PKNOX1: variants seen among roughly 807,000 people sequenced by gnomAD.
PKNOX1 encodes PBX/knotted 1 homeobox 1.
A neutral mutation model predicts 51.9 loss-of-function variants in PKNOX1; 15 were observed. The observed-to-expected ratio is 0.29, with a 90% CI of 0.19 to 0.45. The LOEUF is 0.45. PKNOX1 is among the 20% of genes least tolerant of loss of function. The pLI is 1.00. For missense variants in PKNOX1, 462 were observed against 547.5 expected (o/e 0.84, Z 1.56); for synonymous variants, 219 against 211.1 (o/e 1.04, Z -0.32).
intron 1 of PKNOX1, among the ~76,000 whole-genome samples, chr21:42,991,374 C>T (rs563812212): frequency 6.6e-6 from 1 of 151,562 alleles, no homozygotes; most frequent in East Asian, 1.9e-4. Flanking sequence ...AATAACCAAA[C>T]CACAAATTGA....
chr21:43,009,344 C>CT (rs768522927), intron 3 of PKNOX1, among the ~76,000 whole-genome samples: 165 of 152,208 alleles, frequency 1.1e-3, no homozygotes, highest in Middle Eastern at 6.8e-3. Flanking sequence ...ACTTGGGAGG[C>CT]TGAGGCAGGA....
intron 8 of PKNOX1, among the ~76,000 whole-genome samples, chr21:43,023,732 A>T (rs535785478): frequency 6.6e-6 from 1 of 151,794 alleles, no homozygotes; most frequent in Admixed American, 6.6e-5. Flanking sequence ...CTTCTGCCTC[A>T]GCCTCCCGAA....
intron 1 of PKNOX1, among the ~76,000 whole-genome samples, chr21:42,990,059 T>C (rs2059078038): frequency 1.3e-5 from 2 of 151,226 alleles, no homozygotes; most frequent in South Asian, 4.2e-4. Context: ...ATGGTGCCAT[T>C]GCACTCCAGC....
intron 3 of PKNOX1, among the ~76,000 whole-genome samples, chr21:43,009,610 C>CAAAAAA (rs1202062070): frequency 1.1e-4 from 8 of 76,090 alleles, no homozygotes; most frequent in East Asian, 4.0e-4. Flanking sequence ...GACTCCATCT[C>CAAAAAA]AAAAAAAAAA....
In PKNOX1 at chr21:42,977,340, C is replaced by T. The variant is rs560159208; in HGVS notation, c.-57+2676C>T. Among the ~76,000 whole-genome samples, 8 of 152,268 alleles carry T rather than the reference C, an allele frequency of 5.3e-5. No individual in the cohort carries two copies. The South Asian group carries it at 1.0e-3, about 20-fold the overall frequency. ...GGTATGAAAGTCCTAGATGTCATCT[C>T]CTTCCAAAGGAAGTCTTTTGTCTAT... On this transcript the variant is annotated intron_variant, in intron 1 of 10. Coordinates refer to ENST00000291547, the MANE Select transcript of PKNOX1 (RefSeq NM_004571.5).
In PKNOX1 at chr21:43,007,565, T is replaced by TC; in HGVS notation, c.131dup (p.Val45CysfsTer16). ...AACCCGATGCAGAAGGAGTGAGCCCTCCCCCTGTGGAGTCTCAGACCCCGA... is the reference window on the plus strand; with the variant it reads ...AACCCGATGCAGAAGGAGTGAGCCCTCCCCCCTGTGGAGTCTCAGACCCCGA... On this transcript the variant is annotated frameshift_variant, in exon 3 of 11. Transcript: ENST00000291547. LOFTEE classifies it high-confidence loss of function. 6.2e-7 allele frequency: 1 copy of TC among 1,613,558 alleles called. No individual in the cohort carries two copies. The highest frequency in any genetic ancestry group is 8.5e-7 in the Non-Finnish European group (1 of 1,179,566).
intron 1 of PKNOX1, among the ~76,000 whole-genome samples, chr21:42,982,969 C>T (rs964487684): frequency 8.6e-5 from 13 of 151,858 alleles, no homozygotes; most frequent in Non-Finnish European, 1.0e-4. Flanking sequence ...ACCACCACGC[C>T]TGGCTAATTT....
chr21:42,995,242 G>A (rs2146248110), intron 1 of PKNOX1, among the ~76,000 whole-genome samples: 1 of 152,182 alleles, frequency 6.6e-6, no homozygotes, highest in Non-Finnish European at 1.5e-5. Flanking sequence ...ATTTTTGCCA[G>A]TTTCTTTATA....
At chr21:42,990,104 A>T (rs1020224006) in intron 1 of PKNOX1, among the ~76,000 whole-genome samples, 7 of 151,804 alleles carry the variant, frequency 4.6e-5, no homozygotes, top group Admixed American at 2.0e-4. Flanking sequence ...CTCAAAAAAA[A>T]AAAAATAATA....
chr21:42,995,808 G>A (rs1978478330), intron 1 of PKNOX1, among the ~76,000 whole-genome samples: 1 of 152,200 alleles, frequency 6.6e-6, no homozygotes, highest in African/African-American at 2.4e-5. Context: ...TACTGTGGTG[G>A]TTGCCGAATG....
At chr21:43,022,125 C>T (rs770588389) in intron 8 of PKNOX1, among the ~76,000 whole-genome samples, 30 of 152,320 alleles carry the variant, frequency 2.0e-4, no homozygotes, top group South Asian at 6.2e-4. Flanking sequence ...GGAAGGCAGA[C>T]GCCAGTTTGG....
chr21:43,013,855 C>T (rs964466800), intron 5 of PKNOX1, among the ~76,000 whole-genome samples: 1 of 152,110 alleles, frequency 6.6e-6, no homozygotes. Context: ...AGGGTTCATC[C>T]ATGCGGAAGC....
At chr21:42,988,202 C>A (rs937800289) in intron 1 of PKNOX1, among the ~76,000 whole-genome samples, 2 of 152,040 alleles carry the variant, frequency 1.3e-5, no homozygotes, top group African/African-American at 2.4e-5. Flanking sequence ...AGGCGCGTGC[C>A]ACCACACCCA....
At chr21:43,029,253 C>T (rs1601306965) in intron 10 of PKNOX1, among the ~76,000 whole-genome samples, 1 of 152,176 alleles carries the variant, frequency 6.6e-6, no homozygotes, top group East Asian at 1.9e-4. Flanking sequence ...CTCTTCATCC[C>T]CCATGCCCTT....
chr21:43,017,936 G>A (rs1265875682), intron 6 of PKNOX1, 197 bp from the exon 7 acceptor site: 11 of 520,452 alleles, frequency 2.1e-5, no homozygotes, highest in South Asian at 7.9e-5. Context: ...AGGGCTGGTC[G>A]CAGTGCCTCA....
At chr21:42,987,516 G>C (rs1228471375) in intron 1 of PKNOX1, among the ~76,000 whole-genome samples, 1 of 148,756 alleles carries the variant, frequency 6.7e-6, no homozygotes, top group African/African-American at 2.5e-5. Flanking sequence ...ACTTGTCTTT[G>C]AACAGCTATA....
At chr21:43,023,165 T>C (rs1247371270) in intron 8 of PKNOX1, among the ~76,000 whole-genome samples, 2 of 151,970 alleles carry the variant, frequency 1.3e-5, no homozygotes, top group Admixed American at 6.6e-5. Context: ...TGTTTTCTGC[T>C]TGTGTGCTCG....
In PKNOX1 at chr21:43,021,399, G is replaced by T. The variant is rs201583709; in HGVS notation, c.817G>T (p.Val273Leu). Residue 273 changes from valine (V) to leucine (L), a missense_variant, in exon 8 of 11, where the codon GTG becomes TTG. Physicochemically the swap from Val to Leu is conservative, Grantham distance 32. This residue lies in a region of PKNOX1 where 75 missense variants were observed against 129.8 expected (regional missense o/e 0.58). Transcript: ENST00000291547. This position sits in a 1 kb window ranked among gnomAD's most constrained non-coding sequence, Gnocchi z 4.6. ...CGTCCTGCCAAAGCATGCCACGAAC[G>T]TGATGCGGTCCTGGCTCTTCCAGCA... is the stretch of plus-strand genomic sequence containing the variant. ...RGVLPKHATN[V>L]MRSWLFQHIG... 1 of 1,612,852 alleles carries T rather than the reference G, an allele frequency of 6.2e-7. No individual in the cohort carries two copies. The highest frequency in any genetic ancestry group is 1.3e-5 in the African/African-American group (1 of 74,910).
At chr21:42,986,740 G>A (rs879458924) in intron 1 of PKNOX1, among the ~76,000 whole-genome samples, 80 of 152,180 alleles carry the variant, frequency 5.3e-4, no homozygotes, top group African/African-American at 1.8e-3. Flanking sequence ...TATTTTGGGA[G>A]GACTGGTAAC....
Sources: allele counts gnomAD v4.1 joint callset (sites outside exome capture counted in the v4.1 genomes callset), GRCh38; gene constraint gnomAD v4.1.1; regional missense constraint gnomAD v4.1.1; non-coding constraint Gnocchi (gnomAD v3.1); transcripts MANE v1.5; gene names NCBI Gene and HGNC (gene_info 2026-07-23, HGNC 2026-07-21).